ITGAM: variants seen among roughly 807,000 people sequenced by gnomAD.
ITGAM encodes the protein integrin alpha-M.
ITGAM carries 79 observed loss-of-function variants against 137.5 expected under a neutral mutation model. That is an observed-to-expected ratio of 0.57 (90% confidence interval 0.48 to 0.69). The LOEUF (loss-of-function observed/expected upper bound fraction) is 0.69, where lower values mean the gene tolerates loss of function less well. Ranked by LOEUF, ITGAM falls within the 30% of genes least tolerant of loss-of-function variation. The pLI is 0.00. For synonymous variants in ITGAM, 583 were observed against 592.3 expected, an observed-to-expected ratio of 0.98 and a Z score of 0.23; for missense variants, 1,343 against 1,483.5, an observed-to-expected ratio of 0.91 and a Z score of 1.56.
chr16:31,266,278 C>T, intron 5 of ITGAM, 131 bp downstream of exon 5: 1 of 658,762 alleles, frequency 1.5e-6, no homozygotes, highest in Non-Finnish European at 2.7e-6. Flanking sequence ...CCATTAGAGT[C>T]AGAAGCTAGG....
intron 27 of ITGAM, 30 bp from the exon 28 acceptor site, chr16:31,330,474 G>A (rs375285624): frequency 1.9e-6 from 3 of 1,612,034 alleles, no homozygotes; most frequent in Non-Finnish European, 2.5e-6. Flanking sequence ...TCAGGGCCCA[G>A]GTGCAGTGCC....
At chr16:31,279,934 T>A (rs1199589348) in intron 12 of ITGAM, among the ~76,000 whole-genome samples, 1 of 152,184 alleles carries the variant, frequency 6.6e-6, no homozygotes, top group Non-Finnish European at 1.5e-5. Context: ...AAGGAAGGGA[T>A]CCAGTTTCAG....
chr16:31,327,931 T>C, intron 22 of ITGAM: 1 of 561,850 alleles, frequency 1.8e-6, no homozygotes, highest in Non-Finnish European at 3.2e-6. Flanking sequence ...CAGGTGTGAA[T>C]TCAGGGGACC....
chr16:31,265,852 G>C lies in ITGAM; in HGVS notation c.280G>C (p.Ala94Pro), dbSNP rs1456637903. ...AVNMSLGLSL[A>P]ATTSPPQLLA... ...GAACATGTCCCTGGGCCTGTCCCTG[G>C]CAGCCACCACCAGCCCCCCTCAGCT... The change falls in exon 4 of 30, where the codon GCA (alanine) becomes CCA (proline). Residue 94 changes from alanine to proline, a missense_variant. Physicochemically the swap from Ala to Pro is conservative, Grantham distance 27. Coordinates refer to ENST00000544665, the MANE Select transcript of ITGAM (RefSeq NM_000632.4). 2.5e-6 allele frequency: 4 copies of C among 1,613,880 alleles called. No homozygotes were observed. The highest frequency in any genetic ancestry group is 1.7e-5 in the Admixed American group (1 of 60,004).
intron 12 of ITGAM, among the ~76,000 whole-genome samples, chr16:31,288,181 C>T (rs1024689159): frequency 2.0e-5 from 3 of 151,684 alleles, no homozygotes; most frequent in Non-Finnish European, 2.9e-5. Flanking sequence ...TCAGAATATG[C>T]GTATAGGGTG....
intron 14 of ITGAM, among the ~76,000 whole-genome samples, chr16:31,303,441 A>T (rs1417654623): frequency 6.6e-6 from 1 of 152,198 alleles, no homozygotes; most frequent in African/African-American, 2.4e-5. Flanking sequence ...AGTGGACTAT[A>T]GTCATTATAT....
chr16:31,274,053 G>T (rs2144299431), intron 8 of ITGAM, among the ~76,000 whole-genome samples: 1 of 152,302 alleles, frequency 6.6e-6, no homozygotes, highest in Admixed American at 6.5e-5. Flanking sequence ...GCAGTGCAAG[G>T]TTAGCGATAA....
chr16:31,328,046 G>A, intron 22 of ITGAM, 101 bp from the exon 23 acceptor site: 1 of 895,604 alleles, frequency 1.1e-6, no homozygotes, highest in East Asian at 2.4e-5. Flanking sequence ...AGAGATAACA[G>A]AACTTGGTGG....
intron 12 of ITGAM, among the ~76,000 whole-genome samples, chr16:31,284,020 CCAGTGGAGGCTG>C (rs2079999099): frequency 1.3e-5 from 2 of 152,168 alleles, no homozygotes; most frequent in African/African-American, 4.8e-5. Flanking sequence ...CTGAGTTTCA[CCAGTGGAGGCTG>C]CAGAACAGCA....
intron 28 of ITGAM, among the ~76,000 whole-genome samples, chr16:31,330,942 G>C (rs988797779): frequency 7.2e-5 from 11 of 151,828 alleles, no homozygotes; most frequent in African/African-American, 2.7e-4. Flanking sequence ...GAGCCATGGA[G>C]ATAGAGAGAC....
intron 7 of ITGAM, among the ~76,000 whole-genome samples, chr16:31,273,009 G>A (rs2079868232): frequency 6.6e-6 from 1 of 151,876 alleles, no homozygotes; most frequent in Non-Finnish European, 1.5e-5. Context: ...GACGTTAATA[G>A]CATCTCTGGC....
intron 2 of ITGAM, among the ~76,000 whole-genome samples, chr16:31,263,456 A>T (rs2079727952): frequency 6.6e-6 from 1 of 152,238 alleles, no homozygotes; most frequent in East Asian, 1.9e-4. Flanking sequence ...GCAGCAATTT[A>T]CACTCACACC....
At chr16:31,275,796 T>A in intron 9 of ITGAM, 97 bp downstream of exon 9, 1 of 1,226,720 alleles carries the variant, frequency 8.2e-7, no homozygotes, top group Non-Finnish European at 1.1e-6. Context: ...TAACCCTTGG[T>A]ATCCCCCAGC....
intron 22 of ITGAM, among the ~76,000 whole-genome samples, chr16:31,327,686 TGAA>T (rs2080522814): frequency 6.6e-6 from 1 of 151,966 alleles, no homozygotes; most frequent in Non-Finnish European, 1.5e-5. Context: ...AGGGCGGGCA[TGAA>T]GACAGAAGGC....
chr16:31,271,470 A>G (rs1456914973), intron 6 of ITGAM, among the ~76,000 whole-genome samples: 1 of 152,224 alleles, frequency 6.6e-6, no homozygotes, highest in African/African-American at 2.4e-5. Context: ...CTCTTGCCTC[A>G]GCCTCCCGAG....
Position 31,324,581 on chromosome 16 carries a change from G to A in ITGAM, c.2157+28G>A, listed in dbSNP as rs374777614. ...GAGCAGGCTAGTGGCCAGACCCCTG[G>A]GTCTTCCAAGCATGGAGTGGGCTTG... On this transcript the variant is annotated intron_variant, in intron 17 of 29. Coordinates refer to ENST00000544665, the MANE Select transcript of ITGAM (RefSeq NM_000632.4). This position sits in a 1 kb window ranked among gnomAD's most constrained non-coding sequence, Gnocchi z 4.5. 1 of 1,610,182 alleles carries A rather than the reference G, an allele frequency of 6.2e-7. No individual in the cohort carries two copies. Among genetic ancestry groups the A allele is most frequent in the Non-Finnish European group, 8.5e-7 (1 of 1,178,262 alleles).
Position 31,261,799 on chromosome 16 carries a change from T to C in ITGAM, c.134+2T>C, listed in dbSNP as rs575339631. 5.6e-6 allele frequency: 9 copies of C among 1,601,914 alleles called. No homozygotes were observed. The highest frequency in any genetic ancestry group is 1.3e-5 in the African/African-American group (1 of 74,748). ...CGTGGTCCAGCTTCAGGGATCCAGG[T>C]GAGACCCTTAGATGGAGCCCCCTTT... On this transcript the variant is annotated splice_donor_variant, in intron 2 of 29. Transcript: ENST00000544665. LOFTEE classifies it high-confidence loss of function.
At chr16:31,319,976 C>A (rs1180030640) in intron 14 of ITGAM, among the ~76,000 whole-genome samples, 1 of 152,048 alleles carries the variant, frequency 6.6e-6, no homozygotes, top group Non-Finnish European at 1.5e-5. Flanking sequence ...CCTCTCCTGG[C>A]TAATTTTTTG....
chr16:31,320,806 T>C (rs2080441230), intron 14 of ITGAM, among the ~76,000 whole-genome samples: 1 of 152,178 alleles, frequency 6.6e-6, no homozygotes, highest in Non-Finnish European at 1.5e-5. Flanking sequence ...TTATTCTGAC[T>C]ACGTAAATGA....
Sources: gnomAD v4.1 joint callset for allele counts (sites outside exome capture counted in the v4.1 genomes callset) on GRCh38, gnomAD v4.1.1 for gene constraint, Gnocchi (gnomAD v3.1) non-coding constraint, MANE v1.5 for transcripts, NCBI Gene and HGNC (gene_info 2026-07-23, HGNC 2026-07-21) for gene names.